PTPRQ: variants seen among roughly 807,000 people sequenced by gnomAD.
PTPRQ encodes protein tyrosine phosphatase receptor type Q.
Under a neutral mutation model 246.0 loss-of-function variants are expected in PTPRQ, and 199 were observed. That is an observed-to-expected ratio of 0.81 (90% CI 0.72 to 0.91). The LOEUF (loss-of-function observed/expected upper bound fraction) is 0.91. Ranked by LOEUF, PTPRQ falls within the 40% of genes least tolerant of loss-of-function variation. The pLI, the probability that PTPRQ is intolerant of heterozygous loss-of-function variation, is 0.00. For synonymous variants in PTPRQ, 869 were observed against 853.2 expected (o/e 1.02, Z -0.32); for missense variants, 2,624 against 2,528.4 (o/e 1.04, Z -0.81).
chr12:80,658,272 C>T (rs61951083), intron 39 of PTPRQ, among the ~76,000 whole-genome samples: 1 of 151,926 alleles, frequency 6.6e-6, no homozygotes, highest in African/African-American at 2.4e-5. Context: ...ATTATTTCAC[C>T]AGTGCGCGGC....
intron 26 of PTPRQ, among the ~76,000 whole-genome samples, chr12:80,602,070 G>A (rs566303167): frequency 6.6e-6 from 1 of 151,680 alleles, no homozygotes; most frequent in South Asian, 2.1e-4. Flanking sequence ...TGTTTTCTTG[G>A]CAATGTAAAA....
chr12:80,610,619 G>C lies in PTPRQ; in HGVS notation c.4912G>C (p.Glu1638Gln). ...SSAEMIVTTL[E>Q]SAPKDPPNNM... is the part of the protein sequence containing the mutation. Reference sequence around the variant, plus strand: ...TGCTGAAATGATTGTTACTACTTTAGAATCAGGTAAGGAGAATTTCTCAAC... The same window carrying C: ...TGCTGAAATGATTGTTACTACTTTACAATCAGGTAAGGAGAATTTCTCAAC... Residue 1638 changes from glutamate to glutamine, a missense_variant, in exon 28 of 45, where the codon GAA becomes CAA. Physicochemically the swap from Glu to Gln is conservative, Grantham distance 29. Coordinates refer to ENST00000644991, the MANE Select transcript of PTPRQ (RefSeq NM_001145026.2). The C allele has an allele frequency of 6.5e-7, 1 of 1,541,880 alleles. No individual in the cohort carries two copies. Among genetic ancestry groups the C allele is most frequent in the East Asian group, 2.5e-5 (1 of 40,602 alleles).
At chr12:80,534,512 T>C (rs1438632660) in intron 18 of PTPRQ, among the ~76,000 whole-genome samples, 4 of 152,190 alleles carry the variant, frequency 2.6e-5, no homozygotes, top group African/African-American at 9.6e-5. Flanking sequence ...CAACATAAAA[T>C]GCATGAATCA....
intron 8 of PTPRQ, among the ~76,000 whole-genome samples, chr12:80,474,116 G>T (rs1893739352): frequency 6.6e-6 from 1 of 152,092 alleles, no homozygotes; most frequent in Non-Finnish European, 1.5e-5. Flanking sequence ...ATTAATCCTG[G>T]TTTCAGTATT....
At chr12:80,641,993 C>T (rs1172461396) in intron 35 of PTPRQ, among the ~76,000 whole-genome samples, 1 of 150,292 alleles carries the variant, frequency 6.7e-6, no homozygotes, top group East Asian at 1.9e-4. Context: ...TTGCTTGCTT[C>T]TTTCTTTTTT....
chr12:80,487,300 A>G (rs1894308203), intron 9 of PTPRQ, among the ~76,000 whole-genome samples: 1 of 152,112 alleles, frequency 6.6e-6, no homozygotes, highest in Admixed American at 6.6e-5. Context: ...TGGAATGAGG[A>G]CAGAGATCTT....
intron 8 of PTPRQ, among the ~76,000 whole-genome samples, chr12:80,483,999 G>GT (rs1367975413): frequency 6.7e-6 from 1 of 149,352 alleles, no homozygotes; most frequent in Non-Finnish European, 1.5e-5. Flanking sequence ...TTGTTTGTTT[G>GT]TTTGTTTGTT....
chr12:80,638,606 A>T (rs1400716662), intron 35 of PTPRQ, among the ~76,000 whole-genome samples: 1 of 152,178 alleles, frequency 6.6e-6, no homozygotes, highest in Non-Finnish European at 1.5e-5. Flanking sequence ...TACACTTTAA[A>T]ACCCATTCTG....
chr12:80,648,627 TAACA>T (rs1317639115), intron 35 of PTPRQ, among the ~76,000 whole-genome samples: 1 of 152,102 alleles, frequency 6.6e-6, no homozygotes, highest in Non-Finnish European at 1.5e-5. Flanking sequence ...CCTAAATGCC[TAACA>T]TTTTTAAGCA....
rs550394009 is a variant in PTPRQ, at chr12:80,649,009, T to C, written c.5942+86T>C. 117 of 1,283,632 alleles carry C rather than the reference T, an allele frequency of 9.1e-5. No individual in the cohort carries two copies. The African/African-American group carries it at 1.6e-3, about 17-fold the overall frequency. The allele number at this position is 1,283,632 out of a possible 1,614,324, so 79.5% of individuals were successfully genotyped here. On this transcript the variant is annotated intron_variant, in intron 36 of 44. Coordinates refer to ENST00000644991, the MANE Select transcript of PTPRQ (RefSeq NM_001145026.2). Reference sequence around the variant, plus strand: ...AGTAGAACCTTAATGTGTGATTCACTTTTTGTATGTTTGTTGGAAAAACCT... The same window carrying C: ...AGTAGAACCTTAATGTGTGATTCACCTTTTGTATGTTTGTTGGAAAAACCT...
intron 25 of PTPRQ, among the ~76,000 whole-genome samples, chr12:80,577,038 A>T (rs1344809061): frequency 6.6e-6 from 1 of 152,238 alleles, no homozygotes; most frequent in African/African-American, 2.4e-5. Context: ...TTAGTCTTCT[A>T]AGAACTGTTT....
At chr12:80,661,090 A>G (rs969991089) in intron 39 of PTPRQ, among the ~76,000 whole-genome samples, 6 of 151,860 alleles carry the variant, frequency 4.0e-5, no homozygotes, top group Non-Finnish European at 7.4e-5. Context: ...ACACATACAT[A>G]TGAAAACACA....
At chr12:80,660,576 A>G (rs1202886990) in intron 39 of PTPRQ, among the ~76,000 whole-genome samples, 2 of 152,088 alleles carry the variant, frequency 1.3e-5, no homozygotes, top group Non-Finnish European at 2.9e-5. Flanking sequence ...AGGAAGGCTT[A>G]TAATTAATTT....
intron 25 of PTPRQ, among the ~76,000 whole-genome samples, chr12:80,576,536 CATCCATTCATCTAT>C (rs1381612603): frequency 2.6e-5 from 4 of 152,206 alleles, no homozygotes; most frequent in African/African-American, 9.6e-5. Context: ...TCTGTCCATC[CATCCATTCATCTAT>C]CCGTCTGTTG....
intron 10 of PTPRQ, 87 bp downstream of exon 10, chr12:80,493,542 C>T (rs1458650260): frequency 5.7e-6 from 8 of 1,415,662 alleles, no homozygotes; most frequent in Non-Finnish European, 5.5e-6. Flanking sequence ...AGAGTTCAGC[C>T]ATATTATTAA....
chr12:80,511,456 A>G lies in PTPRQ; in HGVS notation c.2678+1013A>G, dbSNP rs532629913. Reference sequence around the variant, plus strand: ...TATTCACTCATTCATTCATTGAACAATATTGATAGAATACCTATATACTCA... The same window carrying G: ...TATTCACTCATTCATTCATTGAACAGTATTGATAGAATACCTATATACTCA... On this transcript the variant is annotated intron_variant, in intron 17 of 44. Coordinates refer to ENST00000644991, the MANE Select transcript of PTPRQ (RefSeq NM_001145026.2). Among the ~76,000 whole-genome samples, 4 of 152,288 alleles carry G rather than the reference A, an allele frequency of 2.6e-5. No individual in the cohort carries two copies. The East Asian group carries it at 5.8e-4, about 22-fold the overall frequency.
chr12:80,522,575 G>A (rs1477125015), intron 17 of PTPRQ, among the ~76,000 whole-genome samples: 5 of 152,094 alleles, frequency 3.3e-5, no homozygotes, highest in Non-Finnish European at 5.9e-5. Context: ...AACGTGAAGG[G>A]CTGTTGAATT....
At chr12:80,493,773 T>G (rs1445392896) in intron 10 of PTPRQ, among the ~76,000 whole-genome samples, 1 of 152,010 alleles carries the variant, frequency 6.6e-6, no homozygotes, top group Non-Finnish European at 1.5e-5. Context: ...TTCAAATCAT[T>G]TACAGGCCTC....
At chr12:80,646,283 C>A (rs1449110555) in intron 35 of PTPRQ, among the ~76,000 whole-genome samples, 1 of 152,112 alleles carries the variant, frequency 6.6e-6, no homozygotes, top group Admixed American at 6.5e-5. Context: ...AACTAGGAAA[C>A]TGAGGCACAG....
Sources: gnomAD v4.1 joint callset for allele counts (sites outside exome capture counted in the v4.1 genomes callset) on GRCh38, gnomAD v4.1.1 for gene constraint, MANE v1.5 for transcripts, NCBI Gene and HGNC (gene_info 2026-07-23, HGNC 2026-07-21) for gene names.